MBNL1: variants seen among roughly 807,000 people sequenced by gnomAD.
MBNL1 encodes muscleblind-like protein 1.
MBNL1 carries 8 observed loss-of-function variants against 42.2 expected under a neutral mutation model. That is an observed-to-expected ratio of 0.19 (90% CI 0.11 to 0.34). The LOEUF is 0.34. Ranked by LOEUF, MBNL1 falls within the 10% of genes least tolerant of loss-of-function variation. The pLI is 1.00. For synonymous variants in MBNL1, 169 were observed against 173.9 expected (o/e 0.97, Z 0.22); for missense variants, 309 against 495.3 (o/e 0.62, Z 3.57).
intron 2 of MBNL1, among the ~76,000 whole-genome samples, chr3:152,350,874 G>A (rs2094888942): frequency 6.6e-6 from 1 of 152,098 alleles, no homozygotes; most frequent in African/African-American, 2.4e-5. Flanking sequence ...CATGAGGGCA[G>A]AGGACATGTT....
chr3:152,297,119 C>T (rs28615463), intron 1 of MBNL1, among the ~76,000 whole-genome samples: 1 of 152,034 alleles, frequency 6.6e-6, no homozygotes. Flanking sequence ...CTTGAAGATT[C>T]TGAAGAGAAG....
At chr3:152,423,475 C>T (rs1220600000) in intron 3 of MBNL1, among the ~76,000 whole-genome samples, 6 of 152,100 alleles carry the variant, frequency 3.9e-5, no homozygotes, top group African/African-American at 1.2e-4. Context: ...CAGGACCAGA[C>T]GGATTCACAG....
intron 5 of MBNL1, among the ~76,000 whole-genome samples, chr3:152,446,145 A>C (rs537365886): frequency 1.3e-5 from 2 of 152,314 alleles, no homozygotes; most frequent in African/African-American, 4.8e-5. Context: ...GGAGTTAGAA[A>C]TTGGATCATT....
chr3:152,332,442 T>C lies in MBNL1; in HGVS notation c.174+32075T>C, dbSNP rs368364684. Among the ~76,000 whole-genome samples, 92 of 152,214 alleles carry C rather than the reference T, an allele frequency of 6.0e-4. No individual in the cohort carries two copies. The South Asian group carries it at 0.019, about 31-fold the overall frequency. ...CTACCCAAGAAATTCTGCAAAAAAATGTAGTTGTCTAGCAATTAGGTACAG... is the reference window on the plus strand; with the variant it reads ...CTACCCAAGAAATTCTGCAAAAAAACGTAGTTGTCTAGCAATTAGGTACAG... On this transcript the variant is annotated intron_variant, in intron 2 of 9. Coordinates refer to ENST00000324210, the MANE Select transcript of MBNL1 (RefSeq NM_021038.5).
upstream of MBNL1, chr3:152,263,978 T>C (rs1055189791): frequency 1.3e-5 from 2 of 152,298 alleles, no homozygotes; most frequent in East Asian, 3.9e-4. Context: ...CTTTGAATGC[T>C]CTTTCCCCAG....
chr3:152,351,117 A>G (rs1306724023), intron 2 of MBNL1, among the ~76,000 whole-genome samples: 1 of 152,152 alleles, frequency 6.6e-6, no homozygotes, highest in Non-Finnish European at 1.5e-5. Context: ...AAGTTACTGC[A>G]TAACAAAACA....
At chr3:152,433,385 G>A (rs1312601943) in intron 4 of MBNL1, among the ~76,000 whole-genome samples, 2 of 152,082 alleles carry the variant, frequency 1.3e-5, no homozygotes, top group Non-Finnish European at 2.9e-5. Flanking sequence ...ATTTATTATT[G>A]CAAGTTTCCT....
chr3:152,416,382 A>C (rs1426084890), intron 3 of MBNL1, among the ~76,000 whole-genome samples: 1 of 152,204 alleles, frequency 6.6e-6, no homozygotes, highest in East Asian at 1.9e-4. Flanking sequence ...TTTTTGTGAC[A>C]TCTACTAATT....
chr3:152,430,691 G>A (rs78537258), intron 3 of MBNL1, among the ~76,000 whole-genome samples: 10,832 of 152,260 alleles, frequency 0.071, 506 homozygotes, highest in Middle Eastern at 0.16. Context: ...GCAGAGAGTG[G>A]ACAGTGGCAC....
At chr3:152,392,208 T>TCA (rs1421434106) in intron 2 of MBNL1, among the ~76,000 whole-genome samples, 1 of 152,202 alleles carries the variant, frequency 6.6e-6, no homozygotes, top group Non-Finnish European at 1.5e-5. Context: ...TACCTGAAGA[T>TCA]GGGTCTTAAT....
chr3:152,433,004 C>A, intron 4 of MBNL1, 84 bp downstream of exon 4: 2 of 1,306,904 alleles, frequency 1.5e-6, no homozygotes, highest in Non-Finnish European at 2.1e-6. Flanking sequence ...GTTTCCATGG[C>A]CAAAAAGTTG....
At chr3:152,310,438 C>G (rs1286621746) in intron 2 of MBNL1, among the ~76,000 whole-genome samples, 1 of 152,164 alleles carries the variant, frequency 6.6e-6, no homozygotes, top group African/African-American at 2.4e-5. Flanking sequence ...AGTCTTTATG[C>G]TAAGTTTAAC....
intron 2 of MBNL1, among the ~76,000 whole-genome samples, chr3:152,321,594 A>T (rs554935431): frequency 6.6e-6 from 1 of 152,180 alleles, no homozygotes; most frequent in South Asian, 2.1e-4. Flanking sequence ...AGATGAGTGT[A>T]GAGGTCTTCC....
chr3:152,356,751 C>T (rs2095545939), intron 2 of MBNL1, among the ~76,000 whole-genome samples: 1 of 152,142 alleles, frequency 6.6e-6, no homozygotes, highest in Admixed American at 6.5e-5. Context: ...GCTGGGATTA[C>T]AGGCGTGAGC....
At chr3:152,252,735 TA>T (rs957818762) in intron 2 of MBNL1, among the ~76,000 whole-genome samples, 8 of 152,092 alleles carry the variant, frequency 5.3e-5, no homozygotes, top group African/African-American at 1.9e-4. Context: ...CCAGAGTTTT[TA>T]AAAGTTAAAT....
At chr3:152,323,152 T>C (rs1247830953) in intron 2 of MBNL1, among the ~76,000 whole-genome samples, 3 of 152,152 alleles carry the variant, frequency 2.0e-5, no homozygotes, top group Non-Finnish European at 2.9e-5. Flanking sequence ...ATGTAAAAAA[T>C]AGATTTTATA....
intron 6 of MBNL1, among the ~76,000 whole-genome samples, chr3:152,451,791 T>G (rs1197668686): frequency 6.6e-6 from 1 of 152,256 alleles, no homozygotes; most frequent in African/African-American, 2.4e-5. Flanking sequence ...TGTTCCCTGC[T>G]GCACTGAGTG....
chr3:152,399,577 A>G (rs1246777383), intron 2 of MBNL1, among the ~76,000 whole-genome samples: 2 of 152,074 alleles, frequency 1.3e-5, no homozygotes, highest in African/African-American at 2.4e-5. Flanking sequence ...TAGTAGTGCA[A>G]TCATGACTCA....
chr3:152,414,942 G>A lies in MBNL1; in HGVS notation c.176G>A (p.Gly59Asp). Reference protein sequence around the residue: ...RVIACFDSLKGRCSRENCKYL... With the variant: ...RVIACFDSLKDRCSRENCKYL... ...TGTTTGCTGCTTTTGTTTCTCTAGGGCCGTTGCTCCAGGGAGAACTGCAAA... is the reference window on the plus strand; with the variant it reads ...TGTTTGCTGCTTTTGTTTCTCTAGGACCGTTGCTCCAGGGAGAACTGCAAA... Residue 59 changes from glycine (G) to aspartate (D), a missense_variant and splice_region_variant, in exon 3 of 10, where the codon GGC becomes GAC. Gly to Asp is a moderately conservative substitution (Grantham distance 94). Transcript: ENST00000324210. 1 of 1,609,384 alleles carries A rather than the reference G, an allele frequency of 6.2e-7. No homozygotes were observed. Among genetic ancestry groups the A allele is most frequent in the Non-Finnish European group, 8.5e-7 (1 of 1,178,548 alleles).
Sources: allele counts gnomAD v4.1 joint callset (sites outside exome capture counted in the v4.1 genomes callset), GRCh38; gene constraint gnomAD v4.1.1; transcripts MANE v1.5; gene names NCBI Gene and HGNC (gene_info 2026-07-23, HGNC 2026-07-21).